Variants in PRKCB observed in about 807,000 individuals in gnomAD.
The protein encoded by PRKCB is protein kinase C beta type.
PRKCB carries 13 observed loss-of-function variants against 81.5 expected under a neutral mutation model. That is an observed-to-expected ratio of 0.16 (90% CI 0.10 to 0.25). PRKCB has a LOEUF of 0.25. PRKCB is among the 10% of genes least tolerant of loss of function. The pLI is 1.00. For missense variants in PRKCB, 509 were observed against 875.7 expected, an observed-to-expected ratio of 0.58 and a Z score of 5.29; for synonymous variants, 335 against 321.4, an observed-to-expected ratio of 1.04 and a Z score of -0.45.
chr16:23,918,377 C>CTTT (rs113611996), intron 2 of PRKCB, among the ~76,000 whole-genome samples: 26 of 150,358 alleles, frequency 1.7e-4, no homozygotes, highest in African/African-American at 3.2e-4. Context: ...TTTGTGTTAC[C>CTTT]TTTTTATTAT....
At chr16:24,116,077 G>A (rs1429469440) in intron 8 of PRKCB, among the ~76,000 whole-genome samples, 2 of 152,168 alleles carry the variant, frequency 1.3e-5, no homozygotes, top group East Asian at 3.9e-4. Context: ...GTACGTCAGA[G>A]TTGGTTGCCT....
chr16:24,197,408 A>C (rs73550412), intron 16 of PRKCB, among the ~76,000 whole-genome samples: 8,693 of 152,086 alleles, frequency 0.057, 818 homozygotes, highest in African/African-American at 0.2. Flanking sequence ...TGGTAGTAGC[A>C]GATGCAAAGG....
At chr16:23,921,319 A>G (rs941793628) in intron 2 of PRKCB, among the ~76,000 whole-genome samples, 2 of 152,140 alleles carry the variant, frequency 1.3e-5, no homozygotes, top group African/African-American at 4.8e-5. Context: ...GACCCACCTC[A>G]TAGGGATTGT....
intron 2 of PRKCB, among the ~76,000 whole-genome samples, chr16:23,887,457 T>A (rs1963221451): frequency 6.6e-6 from 1 of 152,384 alleles, no homozygotes; most frequent in African/African-American, 2.4e-5. Flanking sequence ...TTTGGTTTTC[T>A]GTTTTTCTGT....
intron 2 of PRKCB, among the ~76,000 whole-genome samples, chr16:23,846,548 TGCAGTGAGCCAAGATTGC>T (rs1315241623): frequency 7.5e-6 from 1 of 132,684 alleles, no homozygotes; most frequent in Non-Finnish European, 1.5e-5. Flanking sequence ...AGGCAGAGGT[TGCAGTGAGCCAAGATTGC>T]GCCACTGCAC....
At chr16:24,087,670 A>T (rs1966326478) in intron 5 of PRKCB, among the ~76,000 whole-genome samples, 1 of 152,358 alleles carries the variant, frequency 6.6e-6, no homozygotes, top group East Asian at 1.9e-4. Context: ...TGAAAGCAGC[A>T]CAATTATTCT....
intron 3 of PRKCB, among the ~76,000 whole-genome samples, chr16:24,024,282 G>C (rs1965447731): frequency 6.6e-6 from 1 of 152,220 alleles, no homozygotes; most frequent in Admixed American, 6.5e-5. Flanking sequence ...CAGAAGTAGA[G>C]AGTAGAATGA....
At chr16:24,183,997 T>G (rs198140) in intron 13 of PRKCB, among the ~76,000 whole-genome samples, 11,209 of 152,302 alleles carry the variant, frequency 0.074, 404 homozygotes, top group Middle Eastern at 0.088. Context: ...AAGGAAATAC[T>G]TGGACAGATG....
chr16:24,089,541 A>G (rs2560408), intron 5 of PRKCB, among the ~76,000 whole-genome samples: 94,190 of 152,008 alleles, frequency 0.62, 29,639 homozygotes, highest in African/African-American at 0.71. Flanking sequence ...GACCAAGGCT[A>G]GAGGATCATT....
chr16:24,004,621 C>T (rs1483314500), intron 3 of PRKCB, among the ~76,000 whole-genome samples: 3 of 152,008 alleles, frequency 2.0e-5, no homozygotes. Flanking sequence ...CACCACTGCA[C>T]TCCAGCCTGG....
intron 5 of PRKCB, among the ~76,000 whole-genome samples, chr16:24,075,072 T>C (rs542893609): frequency 3.3e-5 from 5 of 150,612 alleles, no homozygotes; most frequent in African/African-American, 1.2e-4. Context: ...TGAGTCATGA[T>C]TGCACCACGC....
chr16:24,123,187 A>G (rs1966822291), intron 8 of PRKCB, among the ~76,000 whole-genome samples: 1 of 152,220 alleles, frequency 6.6e-6, no homozygotes, highest in South Asian at 2.1e-4. Flanking sequence ...TCCCTGAGCC[A>G]TGAAAATGTG....
intron 2 of PRKCB, among the ~76,000 whole-genome samples, chr16:23,840,763 A>T (rs1357010680): frequency 6.6e-6 from 1 of 152,178 alleles, no homozygotes; most frequent in Non-Finnish European, 1.5e-5. Context: ...GAGAGGAAGG[A>T]TGGAAAACTC....
chr16:23,854,412 G>A (rs1962527290), intron 2 of PRKCB, among the ~76,000 whole-genome samples: 1 of 152,126 alleles, frequency 6.6e-6, no homozygotes. Context: ...CAGTAATTTG[G>A]GCTGGGCTCA....
At chr16:24,125,687 G>A (rs891103113) in intron 9 of PRKCB, among the ~76,000 whole-genome samples, 3 of 152,066 alleles carry the variant, frequency 2.0e-5, no homozygotes, top group African/African-American at 4.8e-5. Context: ...GATCTTCTCC[G>A]TCGTGGTCGC....
At chr16:23,930,680 C>T (rs1193780924) in intron 2 of PRKCB, among the ~76,000 whole-genome samples, 1 of 152,126 alleles carries the variant, frequency 6.6e-6, no homozygotes, top group Admixed American at 6.5e-5. Flanking sequence ...TTTCTTCCTT[C>T]TAACGTTATT....
chr16:24,180,282 G>C (rs1008049563), intron 12 of PRKCB, among the ~76,000 whole-genome samples: 1 of 152,146 alleles, frequency 6.6e-6, no homozygotes, highest in Non-Finnish European at 1.5e-5. Flanking sequence ...AAACTCCTGG[G>C]TCATGTCCTA....
At position 23,988,583 on chromosome 16, in the gene PRKCB, C is replaced by G; in HGVS notation, c.281C>G (p.Ala94Gly). The G allele has an allele frequency of 6.2e-7, 1 of 1,613,930 alleles. No individual in the cohort carries two copies. The highest frequency in any genetic ancestry group is 8.5e-7 in the Non-Finnish European group (1 of 1,179,848). The change falls in exon 3 of 17, where the codon GCC (alanine) becomes GGC (glycine). Residue 94 changes from alanine to glycine, a missense_variant. Physicochemically the swap from Ala to Gly is moderately conservative, Grantham distance 60 (BLOSUM62 0). Transcript: ENST00000643927. Reference protein sequence around the residue: ...FSCPGADKGPASDDPRSKHKF... With the variant: ...FSCPGADKGPGSDDPRSKHKF... Reference sequence around the variant, plus strand: ...TGCCCTGGCGCTGACAAGGGTCCAGCCTCCGATGTAAGTAATGGGCATCGA... The same window carrying G: ...TGCCCTGGCGCTGACAAGGGTCCAGGCTCCGATGTAAGTAATGGGCATCGA...
intron 2 of PRKCB, among the ~76,000 whole-genome samples, chr16:23,857,068 C>A (rs1248381348): frequency 1.3e-5 from 2 of 151,832 alleles, no homozygotes; most frequent in Non-Finnish European, 2.9e-5. Context: ...TTATTCTTAC[C>A]CCATCACCAT....
Sources: gnomAD v4.1 joint callset for allele counts (sites outside exome capture counted in the v4.1 genomes callset) on GRCh38, gnomAD v4.1.1 for gene constraint, MANE v1.5 for transcripts, NCBI Gene and HGNC (gene_info 2026-07-23, HGNC 2026-07-21) for gene names.